Variants in EYA4 observed in about 807,000 individuals in gnomAD.
The protein encoded by EYA4 is protein phosphatase EYA4.
In EYA4, 31 loss-of-function variants were observed where a neutral mutation model predicts 87.9. The ratio of observed to expected loss-of-function variants is 0.35; its 90% confidence interval spans 0.27 to 0.48. EYA4 has a LOEUF of 0.48. EYA4 is among the 20% of genes least tolerant of loss of function. The pLI, the probability that EYA4 is intolerant of heterozygous loss-of-function variation, is 0.99. For missense variants in EYA4, 678 were observed against 761.4 expected (o/e 0.89, Z 1.29); for synonymous variants, 263 against 270.6 (o/e 0.97, Z 0.28).
intron 2 of EYA4, among the ~76,000 whole-genome samples, chr6:133,297,270 GAC>G (rs1225419472): frequency 6.6e-6 from 1 of 152,132 alleles, no homozygotes; most frequent in African/African-American, 2.4e-5. Context: ...ACTTTTGTCA[GAC>G]ACTTGGAAAC....
chr6:133,305,317 T>A (rs999781687), intron 2 of EYA4, among the ~76,000 whole-genome samples: 1 of 152,080 alleles, frequency 6.6e-6, no homozygotes, highest in African/African-American at 2.4e-5. Context: ...TAACATAATA[T>A]GTTTCATAAG....
intron 2 of EYA4, among the ~76,000 whole-genome samples, chr6:133,323,756 T>G (rs1391296230): frequency 6.6e-6 from 1 of 152,196 alleles, no homozygotes; most frequent in Non-Finnish European, 1.5e-5. Context: ...AGGTTTGATA[T>G]ACTACTGTGG....
chr6:133,449,264 A>G (rs1258019790), intron 5 of EYA4, among the ~76,000 whole-genome samples: 1 of 152,218 alleles, frequency 6.6e-6, no homozygotes, highest in African/African-American at 2.4e-5. Context: ...AAGCATGGCT[A>G]TGGTCCAATA....
intron 2 of EYA4, among the ~76,000 whole-genome samples, chr6:133,358,831 G>A (rs1215992229): frequency 6.6e-6 from 1 of 152,106 alleles, no homozygotes; most frequent in Non-Finnish European, 1.5e-5. Flanking sequence ...TGTGATAACT[G>A]CTAAGAAGAA....
At chr6:133,521,891 C>T (rs1469398609) in intron 17 of EYA4, among the ~76,000 whole-genome samples, 9 of 142,238 alleles carry the variant, frequency 6.3e-5, no homozygotes, top group African/African-American at 2.1e-4. Flanking sequence ...TGCATATTCT[C>T]ACTCATAGGT....
At chr6:133,257,469 G>A (rs1171773334) in intron 1 of EYA4, among the ~76,000 whole-genome samples, 5 of 152,128 alleles carry the variant, frequency 3.3e-5, no homozygotes, top group African/African-American at 4.8e-5. Context: ...AAATATGACT[G>A]ATATTTATTT....
intron 1 of EYA4, among the ~76,000 whole-genome samples, chr6:133,245,497 G>A (rs1350822719): frequency 6.6e-6 from 1 of 152,114 alleles, no homozygotes; most frequent in East Asian, 1.9e-4. Flanking sequence ...AAATACAGTT[G>A]GGGGATTTTA....
At chr6:133,459,695 CTG>C (rs1407474724) in intron 6 of EYA4, among the ~76,000 whole-genome samples, 1 of 152,054 alleles carries the variant, frequency 6.6e-6, no homozygotes, top group African/African-American at 2.4e-5. Flanking sequence ...AACAAAGAGT[CTG>C]TTTTCATTAA....
intron 3 of EYA4, among the ~76,000 whole-genome samples, chr6:133,384,041 AATC>A (rs1378918139): frequency 6.6e-6 from 1 of 152,164 alleles, no homozygotes; most frequent in Non-Finnish European, 1.5e-5. Context: ...AGAACAATAT[AATC>A]ATCCTTATTA....
intron 2 of EYA4, among the ~76,000 whole-genome samples, chr6:133,299,090 A>G (rs1021308809): frequency 6.6e-6 from 1 of 152,090 alleles, no homozygotes; most frequent in African/African-American, 2.4e-5. Context: ...GACTTGGGGG[A>G]AGGAGACAAA....
chr6:133,515,637 G>A (rs1177308916), intron 17 of EYA4, among the ~76,000 whole-genome samples: 1 of 151,744 alleles, frequency 6.6e-6, no homozygotes, highest in Admixed American at 6.6e-5. Flanking sequence ...GTGTGTGTGT[G>A]TGTGTGTGTG....
Position 133,529,160 on chromosome 6 carries a change from A to T in EYA4, c.*355A>T. The T allele has an allele frequency of 8.5e-7, 1 of 1,174,872 alleles. No individual in the cohort carries two copies. The highest frequency in any genetic ancestry group is 1.1e-6 in the Non-Finnish European group (1 of 937,542). 72.8% of individuals were successfully genotyped at this position (1,174,872 alleles called of 1,614,324 possible). ...TCCGTCTGACAAGGTGGTCAACAACATTCCTCAAAATGGGAGATCTTCTCA... is the reference window on the plus strand; with the variant it reads ...TCCGTCTGACAAGGTGGTCAACAACTTTCCTCAAAATGGGAGATCTTCTCA... On this transcript the variant is annotated 3_prime_UTR_variant, in exon 20 of 20. Transcript: ENST00000355286.
chr6:133,349,477 T>C (rs1783466696), intron 2 of EYA4, among the ~76,000 whole-genome samples: 1 of 152,238 alleles, frequency 6.6e-6, no homozygotes, highest in African/African-American at 2.4e-5. Context: ...TGAATTCATG[T>C]ATGAATAAAT....
chr6:133,383,116 T>C (rs1786378147), intron 3 of EYA4, among the ~76,000 whole-genome samples: 1 of 152,228 alleles, frequency 6.6e-6, no homozygotes, highest in Non-Finnish European at 1.5e-5. Flanking sequence ...AATAAACACA[T>C]GTTCTTACTA....
intron 16 of EYA4, 45 bp from the exon 17 acceptor site, chr6:133,515,276 A>G (rs1270758214): frequency 2.2e-6 from 2 of 906,914 alleles, no homozygotes; most frequent in African/African-American, 1.6e-5. Context: ...ATATTCTGAG[A>G]CAATATTCAT....
intron 9 of EYA4, 113 bp downstream of exon 9, chr6:133,462,877 C>A: frequency 3.1e-6 from 3 of 957,348 alleles, no homozygotes; most frequent in Non-Finnish European, 5.0e-6. Context: ...TTTATCACAG[C>A]TCACACAATT....
At chr6:133,462,175 C>G in intron 7 of EYA4, 160 bp from the exon 8 acceptor site, 1 of 835,174 alleles carries the variant, frequency 1.2e-6, no homozygotes, top group Non-Finnish European at 2.0e-6. Flanking sequence ...AGAGCCTGAG[C>G]TCCTGACATT....
rs545416717 is a variant in EYA4, at chr6:133,479,187, T to C, written c.971-2276T>C. 2.1e-4 allele frequency among the ~76,000 whole-genome samples: 32 copies of C among 152,292 alleles called. No individual in the cohort carries two copies. The South Asian group carries it at 6.6e-3, about 32-fold the overall frequency. ...CAAAAATAATTAAAAATGGAACTTT[T>C]ATGTGATTTTATTTAAAAGTTGGTG... On this transcript the variant is annotated intron_variant, in intron 11 of 19. Coordinates refer to ENST00000355286, the MANE Select transcript of EYA4 (RefSeq NM_004100.5).
At chr6:133,528,675 C>A in intron 19 of EYA4, 50 bp from the exon 20 acceptor site, 1 of 1,276,586 alleles carries the variant, frequency 7.8e-7, no homozygotes, top group Non-Finnish European at 1.1e-6. Flanking sequence ...CTCTCCATGC[C>A]TCATTCCTTC....
Sources: gnomAD v4.1 joint callset for allele counts (sites outside exome capture counted in the v4.1 genomes callset) on GRCh38, gnomAD v4.1.1 for gene constraint, MANE v1.5 for transcripts, NCBI Gene and HGNC (gene_info 2026-07-23, HGNC 2026-07-21) for gene names.